Variants in LGR6 observed in about 807,000 individuals in gnomAD.
LGR6 encodes leucine-rich repeat-containing G protein-coupled receptor 6.
LGR6 carries 45 observed loss-of-function variants against 69.4 expected under a neutral mutation model. That is an observed-to-expected ratio of 0.65 (90% CI 0.51 to 0.83). The LOEUF is 0.83. Among genes scored for constraint, LGR6 ranks in the 40% least tolerant of loss-of-function variants. The pLI is 0.00. For synonymous variants in LGR6, 538 were observed against 555.0 expected, an observed-to-expected ratio of 0.97 and a Z score of 0.43; for missense variants, 1,108 against 1,246.7, an observed-to-expected ratio of 0.89 and a Z score of 1.68.
intron 14 of LGR6, among the ~76,000 whole-genome samples, chr1:202,307,915 G>C (rs1436718482): frequency 2.0e-5 from 3 of 152,186 alleles, no homozygotes; most frequent in African/African-American, 7.2e-5. Flanking sequence ...TGTCAGGGCT[G>C]GAAGGGGCCT....
intron 1 of LGR6, chr1:202,194,736 G>A (rs1658574856): frequency 1.1e-5 from 4 of 370,264 alleles, no homozygotes; most frequent in Non-Finnish European, 2.1e-5. Flanking sequence ...AAGCTGGGAG[G>A]GGGGCCTTAT....
Position 202,196,658 on chromosome 1 carries a change from A to G in LGR6, c.212+2457A>G, listed in dbSNP as rs138632048. Among the ~76,000 whole-genome samples the G allele has an allele frequency of 3.0e-4, 45 of 152,326 alleles. No individual in the cohort carries two copies. In the East Asian group the frequency reaches 8.1e-3, roughly 27 times the overall value. On this transcript the variant is annotated intron_variant, in intron 1 of 17. Transcript: ENST00000367278. Reference sequence around the variant, plus strand: ...TGGATTAAATGAGATAATATGTTCAATGAAAGTCCCCAGAGTGCCTGACAC... The same window carrying G: ...TGGATTAAATGAGATAATATGTTCAGTGAAAGTCCCCAGAGTGCCTGACAC...
chr1:202,290,979 C>G (rs1666752876), intron 6 of LGR6, among the ~76,000 whole-genome samples: 1 of 152,200 alleles, frequency 6.6e-6, no homozygotes, highest in Non-Finnish European at 1.5e-5. Flanking sequence ...TCAGAGATCT[C>G]TGAAGTTGGC....
intron 1 of LGR6, among the ~76,000 whole-genome samples, chr1:202,223,052 G>C (rs1415034126): frequency 6.6e-6 from 1 of 151,480 alleles, no homozygotes; most frequent in Non-Finnish European, 1.5e-5. Flanking sequence ...AGTGAGCCGA[G>C]ATCACACCAC....
chr1:202,214,011 C>A (rs1179770823), intron 1 of LGR6: 5 of 1,322,216 alleles, frequency 3.8e-6, no homozygotes, highest in Non-Finnish European at 4.8e-6. Context: ...CCAAATAGTT[C>A]GGGAGTTAGG....
chr1:202,290,807 T>C (rs991324208), intron 6 of LGR6, among the ~76,000 whole-genome samples: 1 of 152,182 alleles, frequency 6.6e-6, no homozygotes, highest in African/African-American at 2.4e-5. Flanking sequence ...GAGGTTGTAG[T>C]GAGCTGAGAT....
chr1:202,205,428 A>T (rs1659154121), intron 1 of LGR6, among the ~76,000 whole-genome samples: 1 of 141,758 alleles, frequency 7.1e-6, no homozygotes, highest in African/African-American at 2.6e-5. Context: ...ACACACACCT[A>T]ACACACACCT....
chr1:202,205,255 C>T (rs1659113546), intron 1 of LGR6, among the ~76,000 whole-genome samples: 1 of 71,756 alleles, frequency 1.4e-5, no homozygotes, highest in South Asian at 8.2e-4. Flanking sequence ...CAAACACACA[C>T]ACACACCTCC....
At chr1:202,284,102 T>C (rs538108735) in intron 6 of LGR6, among the ~76,000 whole-genome samples, 1 of 152,234 alleles carries the variant, frequency 6.6e-6, no homozygotes, top group South Asian at 2.1e-4. Flanking sequence ...CTCTCTTGTT[T>C]AGCAGAACAA....
Position 202,228,014 on chromosome 1 carries a change from A to G in LGR6, c.356+7A>G, listed in dbSNP as rs1218527966. On this transcript the variant is annotated splice_region_variant and intron_variant, in intron 3 of 17. Transcript: ENST00000367278. ...TCTACAGCCTGAAAATCCTGTAAGTATAGGTACACCTCATTTTACATAGAG... is the reference window on the plus strand; with the variant it reads ...TCTACAGCCTGAAAATCCTGTAAGTGTAGGTACACCTCATTTTACATAGAG... 2.5e-6 allele frequency: 4 copies of G among 1,596,590 alleles called. No homozygotes were observed. Among genetic ancestry groups the G allele is most frequent in the Admixed American group, 1.7e-5 (1 of 59,966 alleles).
chr1:202,318,453 G>T lies in LGR6; in HGVS notation c.2150G>T (p.Cys717Phe). 6.2e-7 allele frequency: 1 copy of T among 1,612,922 alleles called. No individual in the cohort carries two copies. Reference protein sequence around the residue: ...SVGEYGASPLCLPYAPPEGQP... With the variant: ...SVGEYGASPLFLPYAPPEGQP... ...GGAGAATACGGGGCCTCCCCACTCT[G>T]CCTGCCCTACGCGCCACCTGAGGGT... The change falls in exon 18 of 18, where the codon TGC becomes TTC. Residue 717 changes from cysteine to phenylalanine, a missense_variant. By Grantham distance (205) the Cys-to-Phe change is radical (BLOSUM62 -2). Coordinates refer to ENST00000367278, the MANE Select transcript of LGR6 (RefSeq NM_001017403.2).
chr1:202,270,155 GTCTC>G (rs768952218), intron 4 of LGR6, among the ~76,000 whole-genome samples: 24 of 152,242 alleles, frequency 1.6e-4, no homozygotes, highest in Non-Finnish European at 3.5e-4. Context: ...AGAACTGTGA[GTCTC>G]TCTGTCATTC....
At chr1:202,228,323 A>C (rs1660731140) in intron 3 of LGR6, among the ~76,000 whole-genome samples, 1 of 152,220 alleles carries the variant, frequency 6.6e-6, no homozygotes, top group Non-Finnish European at 1.5e-5. Context: ...ACAGACCCAC[A>C]GGTCTCTCCC....
chr1:202,284,467 C>T (rs898363105), intron 6 of LGR6, among the ~76,000 whole-genome samples: 6 of 152,158 alleles, frequency 3.9e-5, no homozygotes, highest in Admixed American at 2.0e-4. Flanking sequence ...TGACGGTAAA[C>T]CACTAGAAAC....
rs377011940 is a variant in LGR6 at position 202,306,309 on chromosome 1, C to G, written c.1137-559C>G. Among the ~76,000 whole-genome samples, 105 of 152,344 alleles carry G rather than the reference C, an allele frequency of 6.9e-4. No individual in the cohort carries two copies. The South Asian group carries it at 0.012, about 18-fold the overall frequency. On this transcript the variant is annotated intron_variant, in intron 12 of 17. Coordinates refer to ENST00000367278, the MANE Select transcript of LGR6 (RefSeq NM_001017403.2). ...TTAACCCAGCTCCTGTTTTCTCAAG[C>G]CAGCATGGCCTCTTGAGCTTCCCTG...
At chr1:202,266,182 T>C (rs1664636229) in intron 4 of LGR6, among the ~76,000 whole-genome samples, 1 of 151,980 alleles carries the variant, frequency 6.6e-6, no homozygotes, top group African/African-American at 2.4e-5. Context: ...AATTTGGTCA[T>C]CTTGAGATGC....
At chr1:202,236,533 C>T (rs938603807) in intron 4 of LGR6, among the ~76,000 whole-genome samples, 4 of 152,306 alleles carry the variant, frequency 2.6e-5, no homozygotes, top group Middle Eastern at 3.4e-3. Flanking sequence ...TCTTGTCCAG[C>T]AGGGGCATCG....
intron 7 of LGR6, among the ~76,000 whole-genome samples, chr1:202,298,245 A>G: frequency 6.6e-6 from 1 of 152,228 alleles, no homozygotes; most frequent in African/African-American, 2.4e-5. Context: ...TAATGTGGAA[A>G]GATCATTGTG....
chr1:202,240,931 A>G (rs1217100654), intron 4 of LGR6, among the ~76,000 whole-genome samples: 2 of 152,194 alleles, frequency 1.3e-5, no homozygotes, highest in Non-Finnish European at 2.9e-5. Flanking sequence ...TGTTCTACGT[A>G]TATTGTCTGA....
Sources: allele counts gnomAD v4.1 joint callset (sites outside exome capture counted in the v4.1 genomes callset), GRCh38; gene constraint gnomAD v4.1.1; transcripts MANE v1.5; gene names NCBI Gene and HGNC (gene_info 2026-07-23, HGNC 2026-07-21).